ALDH16A1: variants seen among roughly 807,000 people sequenced by gnomAD.
ALDH16A1 encodes the protein aldehyde dehydrogenase 16 family member A1, also known as aldehyde dehydrogenase family 16 member A1.
Under a neutral mutation model 96.1 loss-of-function variants are expected in ALDH16A1, and 88 were observed. That is an observed-to-expected ratio of 0.92 (90% CI 0.77 to 1.09). The LOEUF is 1.09. ALDH16A1 is among the 50% of genes least tolerant of loss of function. The probability of loss-of-function intolerance (pLI) is 0.00; values close to 1 mark genes in which losing one functional copy is unlikely to be tolerated. For missense variants in ALDH16A1, 1,250 were observed against 1,112.6 expected, an observed-to-expected ratio of 1.12 and a Z score of -1.76; for synonymous variants, 522 against 496.4, an observed-to-expected ratio of 1.05 and a Z score of -0.69.
chr19:49,459,685 C>A lies in ALDH16A1; in HGVS notation c.336C>A (p.Ile112=), dbSNP rs375749176. The stretch of plus-strand genomic sequence containing the variant: ...TTCTCGACAGGCTGGCCGAGGTGAT[C>A]CAGAAGCACCAGCGGCTGCTGTGGA... ...AQHLTRLAEV[I]QKHQRLLWTL... is the part of the protein sequence containing the mutation. The change falls in exon 4 of 17, where the codon ATC becomes ATA. Residue 112 remains isoleucine, a synonymous_variant. Transcript: ENST00000293350. The surrounding 1 kb of genome is among the most constrained non-coding windows in gnomAD (Gnocchi z 4.1). 2 of 1,607,400 alleles carry A rather than the reference C, an allele frequency of 1.2e-6. No individual in the cohort carries two copies. Among genetic ancestry groups the A allele is most frequent in the Admixed American group, 3.4e-5 (2 of 58,346 alleles).
At position 49,464,113 on chromosome 19, in the gene ALDH16A1, G is replaced by C. The variant is rs1453484491; in HGVS notation, c.1195-14G>C. 1.2e-6 allele frequency: 2 copies of C among 1,603,566 alleles called. No individual in the cohort carries two copies. The highest frequency in any genetic ancestry group is 2.2e-5 in the East Asian group (1 of 44,716). Reference sequence around the variant, plus strand: ...GGGCCCTGGAGGGCTGAGCCTCCCGGTCACCCCTTGCAGGTGCCGTGGCCT... The same window carrying C: ...GGGCCCTGGAGGGCTGAGCCTCCCGCTCACCCCTTGCAGGTGCCGTGGCCT... On this transcript the variant is annotated splice_polypyrimidine_tract_variant and intron_variant, in intron 9 of 16. Transcript: ENST00000293350.
At chr19:49,462,086 C>A (rs1280729293) in intron 7 of ALDH16A1, 50 bp downstream of exon 7, 3 of 1,486,998 alleles carry the variant, frequency 2.0e-6, no homozygotes, top group South Asian at 2.6e-5. Flanking sequence ...CCGTTGGTGT[C>A]TGTCTCCAGT....
At chr19:49,469,264 G>A (rs1477463993) in intron 16 of ALDH16A1, 1 of 286,916 alleles carries the variant, frequency 3.5e-6, no homozygotes. Context: ...CACAGTCTAC[G>A]CTTTGTTTTT....
chr19:49,453,635 G>C (rs1601012495), intron 1 of ALDH16A1: 1 of 507,420 alleles, frequency 2.0e-6, no homozygotes, highest in East Asian at 3.0e-5. Flanking sequence ...CTTCCCCACT[G>C]GTTCTCTTGC....
rs1169188896 is a variant in ALDH16A1 at position 49,468,613 on chromosome 19, A to C, written c.2124+47A>C. 1.3e-6 allele frequency: 2 copies of C among 1,582,228 alleles called. No individual in the cohort carries two copies. Among genetic ancestry groups the C allele is most frequent in the Admixed American group, 1.7e-5 (1 of 58,276 alleles). On this transcript the variant is annotated intron_variant, in intron 15 of 16. Coordinates refer to ENST00000293350, the MANE Select transcript of ALDH16A1 (RefSeq NM_153329.4). The surrounding 1 kb of genome is among the most constrained non-coding windows in gnomAD (Gnocchi z 4.4). The stretch of plus-strand genomic sequence containing the variant: ...CCTCTCCTCCCCGTAGCCTCAGGGC[A>C]GCAGAAAAAGGCGCCCCAAAGTCGG...
Position 49,461,713 on chromosome 19 carries a change from G to A in ALDH16A1, c.672G>A (p.Leu224=). 1 of 1,610,238 alleles carries A rather than the reference G, an allele frequency of 6.2e-7. No homozygotes were observed. The highest frequency in any genetic ancestry group is 8.5e-7 in the Non-Finnish European group (1 of 1,178,358). ...AGCTGGGCCCCTTCCCGGGAATCCTGAATGTCCTCAGTGGCCCTGCGTCCC... is the reference window on the plus strand; with the variant it reads ...AGCTGGGCCCCTTCCCGGGAATCCTAAATGTCCTCAGTGGCCCTGCGTCCC... ...AGELGPFPGI[L]NVLSGPASLV... The change falls in exon 6 of 17, where the codon CTG becomes CTA. Residue 224 remains leucine (L), a synonymous_variant. Transcript: ENST00000293350.
intron 1 of ALDH16A1, among the ~76,000 whole-genome samples, chr19:49,457,608 T>TA (rs1003834809): frequency 2.0e-5 from 3 of 150,142 alleles, no homozygotes; most frequent in Non-Finnish European, 3.0e-5. Context: ...TGAGATGTGG[T>TA]AAAAAAATTT....
At chr19:49,461,255 G>A (rs1431206954) in intron 5 of ALDH16A1, among the ~76,000 whole-genome samples, 47 of 52,802 alleles carry the variant, frequency 8.9e-4, no homozygotes, top group Non-Finnish European at 1.1e-3. Context: ...AGGGGCTGGG[G>A]TCTGGACTCC....
Position 49,461,672 on chromosome 19 carries a change from G to T in ALDH16A1, c.631G>T (p.Ala211Ser). Residue 211 changes from alanine to serine, a missense_variant, in exon 6 of 17, where the codon GCC (alanine) becomes TCC (serine). Coordinates refer to ENST00000293350, the MANE Select transcript of ALDH16A1 (RefSeq NM_153329.4). ...PPASPAPLLL[A>S]QLAGELGPFP... ...GGCCTCCCCGGCGCCCCTCCTCCTGGCCCAGCTGGCGGGGGAGCTGGGCCC... is the reference window on the plus strand; with the variant it reads ...GGCCTCCCCGGCGCCCCTCCTCCTGTCCCAGCTGGCGGGGGAGCTGGGCCC... The T allele has an allele frequency of 6.2e-7, 1 of 1,607,508 alleles. No homozygotes were observed. The highest frequency in any genetic ancestry group is 8.5e-7 in the Non-Finnish European group (1 of 1,177,272).
At chr19:49,455,277 G>A (rs1188202696) in intron 1 of ALDH16A1, among the ~76,000 whole-genome samples, 10 of 151,968 alleles carry the variant, frequency 6.6e-5, no homozygotes, top group Middle Eastern at 3.4e-3. Context: ...TTAGCTGGGC[G>A]TGGTGGCAGG....
intron 12 of ALDH16A1, among the ~76,000 whole-genome samples, chr19:49,465,449 GCAGAAAC>G (rs1484161658): frequency 6.6e-6 from 1 of 150,538 alleles, no homozygotes; most frequent in Non-Finnish European, 1.5e-5. Flanking sequence ...GCTCATGGGA[GCAGAAAC>G]TTGAGTCATC....
At chr19:49,465,015 G>T (rs1233095505) in intron 12 of ALDH16A1, among the ~76,000 whole-genome samples, 1 of 152,200 alleles carries the variant, frequency 6.6e-6, no homozygotes, top group Non-Finnish European at 1.5e-5. Context: ...GTTCACTGGA[G>T]CAGAAGCTTG....
At chr19:49,466,358 A>G (rs1322529807) in intron 14 of ALDH16A1, 75 bp downstream of exon 14, 36 of 1,389,716 alleles carry the variant, frequency 2.6e-5, no homozygotes, top group Non-Finnish European at 3.4e-5. Context: ...GAGATAACCC[A>G]GGCTTGGAAT....
Position 49,464,515 on chromosome 19 carries a change from G to A in ALDH16A1, c.1430G>A (p.Gly477Asp), listed in dbSNP as rs779475910. ...GAGAGTGGGTGTTCCTGGCACGGGG[G>A]CCCAGACGTGAGTACATCCCCTCCC... ...CKESGCSWHG[G>D]PDGLYEYLRP... Residue 477 changes from glycine (G) to aspartate (D), a missense_variant, in exon 11 of 17, where the codon GGC becomes GAC. Physicochemically the swap from Gly to Asp is moderately conservative, Grantham distance 94. Coordinates refer to ENST00000293350, the MANE Select transcript of ALDH16A1 (RefSeq NM_153329.4). 7.4e-6 allele frequency: 12 copies of A among 1,613,796 alleles called. No individual in the cohort carries two copies. Among genetic ancestry groups the A allele is most frequent in the South Asian group, 6.6e-5 (6 of 91,068 alleles).
At position 49,464,687 on chromosome 19, in the gene ALDH16A1, C is replaced by G; in HGVS notation, c.1493C>G (p.Ser498Cys). 6.2e-7 allele frequency: 1 copy of G among 1,613,634 alleles called. No homozygotes were observed. The highest frequency in any genetic ancestry group is 8.5e-7 in the Non-Finnish European group (1 of 1,179,476). Residue 498 changes from serine to cysteine, a missense_variant, in exon 12 of 17, where the codon TCC (serine) becomes TGC (cysteine). By Grantham distance (112) the Ser-to-Cys change is moderately radical. Coordinates refer to ENST00000293350, the MANE Select transcript of ALDH16A1 (RefSeq NM_153329.4). ...SGTPARLSCL[S>C]KNLNYDTFGL... ...ACCCCTGCCCGGCTGTCCTGCCTCTCCAAGAACCTGAACTATGACACCTTT... is the reference window on the plus strand; with the variant it reads ...ACCCCTGCCCGGCTGTCCTGCCTCTGCAAGAACCTGAACTATGACACCTTT...
At position 49,464,680 on chromosome 19, in the gene ALDH16A1, T is replaced by G; in HGVS notation, c.1486T>G (p.Cys496Gly). Residue 496 changes from cysteine (C) to glycine (G), a missense_variant, in exon 12 of 17, where the codon TGC (cysteine) becomes GGC (glycine). Coordinates refer to ENST00000293350, the MANE Select transcript of ALDH16A1 (RefSeq NM_153329.4). ...RPSGTPARLSCLSKNLNYDTF... is the reference protein window; with the variant it reads ...RPSGTPARLSGLSKNLNYDTF... ...CTCAGGGACCCCTGCCCGGCTGTCC[T>G]GCCTCTCCAAGAACCTGAACTATGA... 6.2e-7 allele frequency: 1 copy of G among 1,614,194 alleles called. No homozygotes were observed. Among genetic ancestry groups the G allele is most frequent in the South Asian group, 1.1e-5 (1 of 91,086 alleles).
intron 1 of ALDH16A1, among the ~76,000 whole-genome samples, chr19:49,456,581 G>A (rs542798040): frequency 6.6e-6 from 1 of 152,054 alleles, no homozygotes; most frequent in Admixed American, 6.6e-5. Context: ...TAGAGATGGG[G>A]TCTTGCTGTG....
In ALDH16A1 at chr19:49,459,940, C is replaced by T. The variant is rs2079129006; in HGVS notation, c.499+92C>T. The T allele has an allele frequency of 1.7e-5, 24 of 1,426,490 alleles. 1 individual carries two copies. The highest frequency in any genetic ancestry group is 9.6e-5 in the South Asian group (7 of 72,572). 88.4% of individuals were successfully genotyped at this position (1,426,490 alleles called of 1,614,324 possible). A position where few individuals can be genotyped will look rare whatever the true frequency, so the allele number is the denominator to read the frequency against. ...ATTCTTTTTCTTTTAGACAGAGTTTCGCTCTTGTCGCCCAGGCCGGAGTGC... is the reference window on the plus strand; with the variant it reads ...ATTCTTTTTCTTTTAGACAGAGTTTTGCTCTTGTCGCCCAGGCCGGAGTGC... On this transcript the variant is annotated intron_variant, in intron 4 of 16. Coordinates refer to ENST00000293350, the MANE Select transcript of ALDH16A1 (RefSeq NM_153329.4). This position sits in a 1 kb window ranked among gnomAD's most constrained non-coding sequence, Gnocchi z 4.1.
Position 49,464,493 on chromosome 19 carries a change from A to G in ALDH16A1, c.1408A>G (p.Ser470Gly), listed in dbSNP as rs1601035468. Reference sequence around the variant, plus strand: ...GGTGCCCACAGGCGGCTGCAAGGAGAGTGGGTGTTCCTGGCACGGGGGCCC... The same window carrying G: ...GGTGCCCACAGGCGGCTGCAAGGAGGGTGGGTGTTCCTGGCACGGGGGCCC... ...PSVPTGGCKESGCSWHGGPDG... is the reference protein window; with the variant it reads ...PSVPTGGCKEGGCSWHGGPDG... The change falls in exon 11 of 17, where the codon AGT (serine) becomes GGT (glycine). Residue 470 changes from serine (S) to glycine (G), a missense_variant. Physicochemically the swap from Ser to Gly is moderately conservative, Grantham distance 56. Coordinates refer to ENST00000293350, the MANE Select transcript of ALDH16A1 (RefSeq NM_153329.4). 6.2e-7 allele frequency: 1 copy of G among 1,613,616 alleles called. No homozygotes were observed.
Sources: gnomAD v4.1 joint callset for allele counts (sites outside exome capture counted in the v4.1 genomes callset) on GRCh38, gnomAD v4.1.1 for gene constraint, Gnocchi (gnomAD v3.1) non-coding constraint, MANE v1.5 for transcripts, NCBI Gene and HGNC (gene_info 2026-07-23, HGNC 2026-07-21) for gene names.